The following AHCYL2 variants were observed in gnomAD, a reference collection of about 807,000 sequenced individuals.
AHCYL2 encodes the protein adenosylhomocysteinase like 2.
In AHCYL2, 28 loss-of-function variants were observed where a neutral mutation model predicts 81.4. That is an observed-to-expected ratio of 0.34 (90% CI 0.25 to 0.47). The LOEUF is 0.47. AHCYL2 is among the 20% of genes least tolerant of loss of function. AHCYL2 has a pLI of 1.00. For missense variants in AHCYL2, 551 were observed against 785.1 expected, an observed-to-expected ratio of 0.70 and a Z score of 3.56; for synonymous variants, 272 against 290.2, an observed-to-expected ratio of 0.94 and a Z score of 0.64.
chr7:129,230,977 T>C (rs775915746), intron 1 of AHCYL2, among the ~76,000 whole-genome samples: 17 of 152,096 alleles, frequency 1.1e-4, no homozygotes, highest in Non-Finnish European at 2.4e-4. Context: ...TTGTGAGCAT[T>C]TATTTTCTGA....
At chr7:129,227,689 T>G (rs1160578773) in intron 1 of AHCYL2, among the ~76,000 whole-genome samples, 1 of 152,042 alleles carries the variant, frequency 6.6e-6, no homozygotes, top group Non-Finnish European at 1.5e-5. Flanking sequence ...CTAGATGTGC[T>G]TCTTGACCAC....
intron 1 of AHCYL2, among the ~76,000 whole-genome samples, chr7:129,261,934 A>G (rs1208012767): frequency 6.6e-6 from 1 of 152,242 alleles, no homozygotes; most frequent in Non-Finnish European, 1.5e-5. Context: ...TACTCTGGAT[A>G]AAGAAAATGC....
At chr7:129,401,135 G>A (rs1486386747) in intron 6 of AHCYL2, among the ~76,000 whole-genome samples, 1 of 152,128 alleles carries the variant, frequency 6.6e-6, no homozygotes, top group African/African-American at 2.4e-5. Context: ...ACCAGCCTGG[G>A]CAACATAGGC....
rs923775352 is a variant in AHCYL2 at position 129,412,227 on chromosome 7, C to T, written c.1367-1367C>T. Among the ~76,000 whole-genome samples, 8 of 151,418 alleles carry T rather than the reference C, an allele frequency of 5.3e-5. No individual in the cohort carries two copies. The East Asian group carries it at 7.8e-4, about 15-fold the overall frequency. On this transcript the variant is annotated intron_variant, in intron 11 of 16. Transcript: ENST00000325006. Reference sequence around the variant, plus strand: ...TTAGCTGGGTGTGGTCCCAGATACTCGAGGAGCTGAAGTGGAGAATCACTT... The same window carrying T: ...TTAGCTGGGTGTGGTCCCAGATACTTGAGGAGCTGAAGTGGAGAATCACTT...
intron 1 of AHCYL2, among the ~76,000 whole-genome samples, chr7:129,331,620 G>A (rs951572817): frequency 1.3e-4 from 20 of 152,048 alleles, no homozygotes; most frequent in African/African-American, 4.1e-4. Context: ...AAGGCGGGCA[G>A]ATCACGAGCT....
At chr7:129,366,245 C>T (rs144661300) in intron 1 of AHCYL2, among the ~76,000 whole-genome samples, 2 of 152,158 alleles carry the variant, frequency 1.3e-5, no homozygotes, top group South Asian at 2.1e-4. Context: ...TCCCTTGATA[C>T]GTCTGAATGC....
chr7:129,375,607 A>G (rs1360406283), intron 1 of AHCYL2: 1 of 1,322,332 alleles, frequency 7.6e-7, no homozygotes, highest in East Asian at 3.0e-5. Flanking sequence ...GTTTAGGAAA[A>G]AAACAAGTAA....
intron 1 of AHCYL2, among the ~76,000 whole-genome samples, chr7:129,311,280 C>T (rs1330107205): frequency 6.6e-6 from 1 of 152,154 alleles, no homozygotes; most frequent in Non-Finnish European, 1.5e-5. Flanking sequence ...GCCTTATTTA[C>T]ATAGAAACAG....
intron 10 of AHCYL2, 43 bp from the exon 11 acceptor site, chr7:129,409,433 C>A: frequency 6.5e-7 from 1 of 1,541,824 alleles, no homozygotes. Flanking sequence ...AAAGGCTCCC[C>A]AGCTGCCTGT....
chr7:129,292,021 GACAA>G (rs1443859340), intron 1 of AHCYL2, among the ~76,000 whole-genome samples: 9 of 151,900 alleles, frequency 5.9e-5, no homozygotes, highest in Non-Finnish European at 1.3e-4. Flanking sequence ...TTGGTATTAA[GACAA>G]ACAATTATGA....
At chr7:129,409,582 G>A (rs756497189) in intron 11 of AHCYL2, 36 bp downstream of exon 11, 1 of 1,547,124 alleles carries the variant, frequency 6.5e-7, no homozygotes, top group South Asian at 1.1e-5. Flanking sequence ...GTGGCACTTG[G>A]GAATGTTTTT....
chr7:129,414,912 G>A (rs1366466563), intron 12 of AHCYL2, among the ~76,000 whole-genome samples: 1 of 152,190 alleles, frequency 6.6e-6, no homozygotes, highest in African/African-American at 2.4e-5. Context: ...AGGACCAGCT[G>A]ATGTACTGAG....
intron 4 of AHCYL2, among the ~76,000 whole-genome samples, chr7:129,393,369 G>C (rs1795562779): frequency 6.6e-6 from 1 of 152,214 alleles, no homozygotes; most frequent in African/African-American, 2.4e-5. Context: ...AGTGAGCAGT[G>C]AGCTGAGATT....
intron 1 of AHCYL2, among the ~76,000 whole-genome samples, chr7:129,351,261 T>C (rs546174053): frequency 6.6e-6 from 1 of 152,306 alleles, no homozygotes; most frequent in South Asian, 2.1e-4. Flanking sequence ...ATAGTGAAGT[T>C]ACAGAGATTA....
chr7:129,400,277 C>CT lies in AHCYL2; in HGVS notation c.824-6dup, dbSNP rs1584883717. 8 of 1,611,634 alleles carry CT rather than the reference C, an allele frequency of 5.0e-6. No homozygotes were observed. The highest frequency in any genetic ancestry group is 3.3e-5 in the South Asian group (3 of 90,786). On this transcript the variant is annotated splice_polypyrimidine_tract_variant and intron_variant, in intron 5 of 16. Coordinates refer to ENST00000325006, the MANE Select transcript of AHCYL2 (RefSeq NM_015328.4). ...GGTCTTTAATGGTTTCCCTTTGTTC[C>CT]TTTTTTTCCCAGGATTTCCTGTTTT...
At chr7:129,279,043 C>G (rs1303555744) in intron 1 of AHCYL2, among the ~76,000 whole-genome samples, 1 of 152,160 alleles carries the variant, frequency 6.6e-6, no homozygotes, top group Non-Finnish European at 1.5e-5. Context: ...TTTGACTCTT[C>G]TGCGCCCTTT....
intron 1 of AHCYL2, among the ~76,000 whole-genome samples, chr7:129,253,398 A>G (rs979551623): frequency 5.0e-4 from 76 of 152,314 alleles, no homozygotes; most frequent in African/African-American, 1.7e-3. Context: ...TTCTTACGGT[A>G]GCACTGTGAT....
chr7:129,363,663 G>A (rs1445879413), intron 1 of AHCYL2, among the ~76,000 whole-genome samples: 1 of 152,078 alleles, frequency 6.6e-6, no homozygotes, highest in Non-Finnish European at 1.5e-5. Context: ...TCAGCCTCCT[G>A]AGTAGCTGAG....
intron 2 of AHCYL2, among the ~76,000 whole-genome samples, chr7:129,380,193 C>T (rs897901414): frequency 6.6e-6 from 1 of 152,074 alleles, no homozygotes; most frequent in Non-Finnish European, 1.5e-5. Flanking sequence ...CTAGTTCAAG[C>T]AAGTGAGCCC....
Sources: gnomAD v4.1 joint callset for allele counts (sites outside exome capture counted in the v4.1 genomes callset) on GRCh38, gnomAD v4.1.1 for gene constraint, MANE v1.5 for transcripts, NCBI Gene and HGNC (gene_info 2026-07-23, HGNC 2026-07-21) for gene names.